GFRA1: variants seen among roughly 807,000 people sequenced by gnomAD.
GFRA1 encodes GDNF family receptor alpha-1.
Under a neutral mutation model 51.6 loss-of-function variants are expected in GFRA1, and 16 were observed. The observed-to-expected ratio is 0.31, with a 90% CI of 0.21 to 0.47. The LOEUF is 0.47. Among genes scored for constraint, GFRA1 ranks in the 20% least tolerant of loss-of-function variants. The pLI, the probability that GFRA1 is intolerant of heterozygous loss-of-function variation, is 1.00. For missense variants in GFRA1, 530 were observed against 594.3 expected (o/e 0.89, Z 1.13); for synonymous variants, 270 against 241.3 (o/e 1.12, Z -1.10).
intron 6 of GFRA1, among the ~76,000 whole-genome samples, chr10:116,105,739 G>A (rs1370895879): frequency 6.6e-6 from 1 of 152,200 alleles, no homozygotes; most frequent in Non-Finnish European, 1.5e-5. Flanking sequence ...CAACCACTGG[G>A]AAGGGGGTTA....
intron 6 of GFRA1, among the ~76,000 whole-genome samples, chr10:116,121,616 C>G (rs1029906644): frequency 6.6e-6 from 1 of 152,132 alleles, no homozygotes; most frequent in Non-Finnish European, 1.5e-5. Context: ...ATTCAGGGAG[C>G]TTTTAATGAG....
intron 5 of GFRA1, among the ~76,000 whole-genome samples, chr10:116,128,837 T>C (rs1031150501): frequency 6.7e-6 from 1 of 148,554 alleles, no homozygotes; most frequent in Non-Finnish European, 1.5e-5. Context: ...TTCCTCTTAA[T>C]GTTATTAGAA....
intron 4 of GFRA1, among the ~76,000 whole-genome samples, chr10:116,217,141 T>G (rs1357104961): frequency 1.3e-5 from 2 of 152,190 alleles, no homozygotes; most frequent in Non-Finnish European, 2.9e-5. Flanking sequence ...GGTCCAGACC[T>G]GCAGGTGGGC....
intron 5 of GFRA1, among the ~76,000 whole-genome samples, chr10:116,150,553 C>A: frequency 6.6e-6 from 1 of 152,204 alleles, no homozygotes; most frequent in East Asian, 1.9e-4. Context: ...CAAGAATATT[C>A]ACCAGTGGCA....
intron 4 of GFRA1, 120 bp from the exon 5 acceptor site, chr10:116,211,765 CTA>C: frequency 1.3e-6 from 1 of 791,624 alleles, no homozygotes; most frequent in Non-Finnish European, 2.1e-6. Flanking sequence ...GCTAAGCACT[CTA>C]TGCATATTTC....
chr10:116,177,541 T>C (rs1340673768), intron 5 of GFRA1, among the ~76,000 whole-genome samples: 27 of 152,004 alleles, frequency 1.8e-4, no homozygotes, highest in Admixed American at 1.8e-3. Context: ...GTGTTGGCTG[T>C]TGTCATAACA....
intron 5 of GFRA1, among the ~76,000 whole-genome samples, chr10:116,143,656 T>TTCTCTCTC (rs3837365): frequency 2.7e-5 from 4 of 150,032 alleles, no homozygotes; most frequent in Admixed American, 2.7e-4. Flanking sequence ...GTTTCATTCA[T>TTCTCTCTC]TCTCTCTCTC....
chr10:116,241,191 A>C (rs1390038887), intron 4 of GFRA1, among the ~76,000 whole-genome samples: 2 of 152,226 alleles, frequency 1.3e-5, no homozygotes, highest in Non-Finnish European at 2.9e-5. Flanking sequence ...GTTTTGCCAG[A>C]ACTTAAAGAA....
At chr10:116,090,731 T>C (rs1172093557) in intron 8 of GFRA1, among the ~76,000 whole-genome samples, 1 of 151,978 alleles carries the variant, frequency 6.6e-6, no homozygotes, top group Non-Finnish European at 1.5e-5. Context: ...GATTTAGGGT[T>C]TTTTTTTATT....
At position 116,112,385 on chromosome 10, in the gene GFRA1, T is replaced by C. The variant is rs375093351; in HGVS notation, c.770+12836A>G. On this transcript the variant is annotated intron_variant, in intron 6 of 10. Coordinates refer to ENST00000355422, the MANE Select transcript of GFRA1 (RefSeq NM_005264.8). ...ATTCTAAGGGTTAGCCCAGGGACACTGTCATTGTCATCATTTAGTTCTCCC... is the reference window on the plus strand; with the variant it reads ...ATTCTAAGGGTTAGCCCAGGGACACCGTCATTGTCATCATTTAGTTCTCCC... Among the ~76,000 whole-genome samples, 64 of 152,280 alleles carry C rather than the reference T, an allele frequency of 4.2e-4. 1 individual carries two copies. The highest frequency in any genetic ancestry group is 1.3e-3 in the African/African-American group (53 of 41,568).
intron 5 of GFRA1, among the ~76,000 whole-genome samples, chr10:116,132,992 T>C (rs567591183): frequency 6.6e-6 from 1 of 151,988 alleles, no homozygotes; most frequent in African/African-American, 2.4e-5. Context: ...CAGCTCATTT[T>C]AGAGCTCAGC....
At chr10:116,066,840 C>T (rs374701610) in intron 9 of GFRA1, among the ~76,000 whole-genome samples, 2 of 152,204 alleles carry the variant, frequency 1.3e-5, no homozygotes, top group Non-Finnish European at 2.9e-5. Context: ...AAGCGTTACA[C>T]TTGAATCAAG....
At chr10:116,229,950 C>A (rs1784053488) in intron 4 of GFRA1, among the ~76,000 whole-genome samples, 2 of 152,184 alleles carry the variant, frequency 1.3e-5, no homozygotes, top group Non-Finnish European at 2.9e-5. Flanking sequence ...TGGGGAGCTT[C>A]CTTCTCCATG....
chr10:116,092,106 C>T (rs1300090113), intron 8 of GFRA1, among the ~76,000 whole-genome samples: 3 of 142,620 alleles, frequency 2.1e-5, no homozygotes, highest in Non-Finnish European at 4.7e-5. Flanking sequence ...TACACACACA[C>T]ACACACACAC....
chr10:116,117,610 T>A (rs1273636014), intron 6 of GFRA1, among the ~76,000 whole-genome samples: 1 of 151,158 alleles, frequency 6.6e-6, no homozygotes, highest in Non-Finnish European at 1.5e-5. Context: ...GGTGGATGGG[T>A]GGATGGATAG....
chr10:116,079,461 A>C (rs1280394907), intron 9 of GFRA1, among the ~76,000 whole-genome samples: 1 of 151,038 alleles, frequency 6.6e-6, no homozygotes, highest in Non-Finnish European at 1.5e-5. Context: ...GAGGATTCTC[A>C]AAAGCCCCCA....
chr10:116,077,644 A>G (rs768223545), intron 9 of GFRA1, among the ~76,000 whole-genome samples: 1 of 152,258 alleles, frequency 6.6e-6, no homozygotes, highest in Non-Finnish European at 1.5e-5. Context: ...ATCTTAAATT[A>G]CAGTATTATG....
intron 4 of GFRA1, among the ~76,000 whole-genome samples, chr10:116,257,374 C>T (rs1057414798): frequency 4.6e-5 from 7 of 151,824 alleles, no homozygotes; most frequent in African/African-American, 1.7e-4. Flanking sequence ...CTCTATCCTC[C>T]CTGCCCTCGG....
At chr10:116,166,944 C>T (rs11197564) in intron 5 of GFRA1, among the ~76,000 whole-genome samples, 10 of 151,638 alleles carry the variant, frequency 6.6e-5, no homozygotes, top group South Asian at 2.1e-4. Flanking sequence ...GGACTACAGG[C>T]GCCCGCCTCC....
Sources: gnomAD v4.1 joint callset for allele counts (sites outside exome capture counted in the v4.1 genomes callset) on GRCh38, gnomAD v4.1.1 for gene constraint, MANE v1.5 for transcripts, NCBI Gene and HGNC (gene_info 2026-07-23, HGNC 2026-07-21) for gene names.